PPP3CA: variants seen among roughly 807,000 people sequenced by gnomAD.
PPP3CA encodes the protein CAM-PRP catalytic subunit.
In PPP3CA, 14 loss-of-function variants were observed where a neutral mutation model predicts 66.5. The ratio of observed to expected loss-of-function variants is 0.21; its 90% CI spans 0.14 to 0.33. PPP3CA has a LOEUF of 0.33. Ranked by LOEUF, PPP3CA falls within the 10% of genes least tolerant of loss-of-function variation. The probability of loss-of-function intolerance (pLI) is 1.00; values close to 1 mark genes in which losing one functional copy is unlikely to be tolerated. For missense variants in PPP3CA, 317 were observed against 639.5 expected (o/e 0.50, Z 5.44); for synonymous variants, 232 against 226.2 (o/e 1.03, Z -0.23).
chr4:101,305,943 A>G (rs1578649797), intron 1 of PPP3CA, among the ~76,000 whole-genome samples: 1 of 152,282 alleles, frequency 6.6e-6, no homozygotes, highest in Non-Finnish European at 1.5e-5. Flanking sequence ...CTTTGAGAGG[A>G]TAAGACTTGC....
intron 2 of PPP3CA, among the ~76,000 whole-genome samples, chr4:101,148,829 T>C (rs1248034926): frequency 1.3e-5 from 2 of 152,138 alleles, no homozygotes; most frequent in African/African-American, 4.8e-5. Flanking sequence ...TTTTGTATGT[T>C]TGTTAAAAAG....
At chr4:101,230,502 G>C (rs1394025224) in intron 1 of PPP3CA, among the ~76,000 whole-genome samples, 1 of 151,534 alleles carries the variant, frequency 6.6e-6, no homozygotes, top group Non-Finnish European at 1.5e-5. Flanking sequence ...CTGGGTGACA[G>C]AGAGAGAGAC....
chr4:101,335,351 G>T (rs1463389042), intron 1 of PPP3CA, among the ~76,000 whole-genome samples: 2 of 151,856 alleles, frequency 1.3e-5, no homozygotes, highest in African/African-American at 4.8e-5. Context: ...GTCAAGTGAG[G>T]TGCTGAGCTA....
intron 1 of PPP3CA, among the ~76,000 whole-genome samples, chr4:101,336,736 T>C (rs1729645874): frequency 6.6e-6 from 1 of 152,182 alleles, no homozygotes; most frequent in Admixed American, 6.5e-5. Flanking sequence ...AGAAAATATT[T>C]CTTCAAAGCA....
intron 2 of PPP3CA, among the ~76,000 whole-genome samples, chr4:101,193,852 G>T (rs1406730144): frequency 6.6e-6 from 1 of 152,154 alleles, no homozygotes; most frequent in Non-Finnish European, 1.5e-5. Flanking sequence ...TAATTCCTCA[G>T]TTTTTCTTAA....
At chr4:101,289,474 G>A (rs747404802) in intron 1 of PPP3CA, among the ~76,000 whole-genome samples, 11 of 152,114 alleles carry the variant, frequency 7.2e-5, no homozygotes, top group Non-Finnish European at 1.3e-4. Flanking sequence ...TATGATTTCC[G>A]CTATTCTCTT....
intron 2 of PPP3CA, among the ~76,000 whole-genome samples, chr4:101,151,335 G>T (rs1320632823): frequency 1.3e-5 from 2 of 152,020 alleles, no homozygotes; most frequent in Admixed American, 1.3e-4. Context: ...GAGGCCGTGG[G>T]TGGATCACGA....
chr4:101,063,894 C>T (rs776569708), intron 8 of PPP3CA, among the ~76,000 whole-genome samples: 3 of 151,802 alleles, frequency 2.0e-5, no homozygotes, highest in Non-Finnish European at 4.4e-5. Flanking sequence ...TGTTTTGACA[C>T]ATATAATGCA....
At chr4:101,115,081 C>A (rs1721798789) in intron 2 of PPP3CA, among the ~76,000 whole-genome samples, 2 of 151,950 alleles carry the variant, frequency 1.3e-5, no homozygotes, top group African/African-American at 4.8e-5. Context: ...CAGGACTTTA[C>A]TCACTATAGA....
chr4:101,047,255 A>G (rs1727806068), intron 10 of PPP3CA, among the ~76,000 whole-genome samples: 1 of 152,196 alleles, frequency 6.6e-6, no homozygotes, highest in African/African-American at 2.4e-5. Context: ...GATTTAAAAA[A>G]AGCACCATAA....
At chr4:101,311,394 T>G (rs1728717767) in intron 1 of PPP3CA, among the ~76,000 whole-genome samples, 1 of 152,198 alleles carries the variant, frequency 6.6e-6, no homozygotes, top group South Asian at 2.1e-4. Flanking sequence ...GAAAACTGAA[T>G]AAGTTACCTG....
chr4:101,121,816 T>C (rs1722040970), intron 2 of PPP3CA, among the ~76,000 whole-genome samples: 1 of 152,152 alleles, frequency 6.6e-6, no homozygotes. Flanking sequence ...GCTTGGGATA[T>C]ACAGACTTAC....
intron 2 of PPP3CA, among the ~76,000 whole-genome samples, chr4:101,142,354 A>G (rs1722836837): frequency 1.3e-5 from 2 of 152,240 alleles, no homozygotes; most frequent in African/African-American, 4.8e-5. Flanking sequence ...ATCAGAAAAG[A>G]TAAGAAAATC....
intron 8 of PPP3CA, among the ~76,000 whole-genome samples, chr4:101,067,269 A>T (rs1728719603): frequency 6.6e-6 from 1 of 152,178 alleles, no homozygotes; most frequent in Non-Finnish European, 1.5e-5. Flanking sequence ...TTTTTATAGT[A>T]CCTGTAGAAC....
intron 2 of PPP3CA, among the ~76,000 whole-genome samples, chr4:101,134,260 A>G (rs1722543222): frequency 6.6e-6 from 1 of 152,194 alleles, no homozygotes; most frequent in Admixed American, 6.5e-5. Context: ...TAAACTAAAG[A>G]GCTTCTGCAG....
chr4:101,342,376 G>C (rs928483099), intron 1 of PPP3CA, among the ~76,000 whole-genome samples: 2 of 152,080 alleles, frequency 1.3e-5, no homozygotes, highest in Non-Finnish European at 2.9e-5. Flanking sequence ...TAAATTTACT[G>C]AATGTTTTTA....
At chr4:101,048,310 G>A (rs1319907120) in intron 10 of PPP3CA, among the ~76,000 whole-genome samples, 1 of 152,030 alleles carries the variant, frequency 6.6e-6, no homozygotes, top group Non-Finnish European at 1.5e-5. Context: ...CTCTTGAAAT[G>A]TCTTATGGTA....
intron 1 of PPP3CA, among the ~76,000 whole-genome samples, chr4:101,326,263 TA>T (rs1339944892): frequency 2.0e-5 from 3 of 152,240 alleles, no homozygotes; most frequent in Non-Finnish European, 4.4e-5. Flanking sequence ...AAATAATTTT[TA>T]AATGTTCTGT....
intron 1 of PPP3CA, among the ~76,000 whole-genome samples, chr4:101,297,508 G>A (rs1728233811): frequency 6.6e-6 from 1 of 152,160 alleles, no homozygotes; most frequent in Admixed American, 6.5e-5. Context: ...AGGTCTCTTA[G>A]GAAACATATA....
Sources: gnomAD v4.1 joint callset for allele counts (sites outside exome capture counted in the v4.1 genomes callset) on GRCh38, gnomAD v4.1.1 for gene constraint, MANE v1.5 for transcripts, NCBI Gene and HGNC (gene_info 2026-07-23, HGNC 2026-07-21) for gene names.